Variants in C7 observed in about 807,000 individuals in gnomAD.
C7 encodes complement C7, also known as complement component C7.
C7 carries 83 observed loss-of-function variants against 104.8 expected under a neutral mutation model. The ratio of observed to expected loss-of-function variants is 0.79; its 90% CI spans 0.66 to 0.95. C7 has a LOEUF of 0.95. Ranked by LOEUF, C7 falls within the 40% of genes least tolerant of loss-of-function variation. The pLI, the probability that C7 is intolerant of heterozygous loss-of-function variation, is 0.00. For synonymous variants in C7, 415 were observed against 360.6 expected, an observed-to-expected ratio of 1.15 and a Z score of -1.71; for missense variants, 1,070 against 1,011.2, an observed-to-expected ratio of 1.06 and a Z score of -0.79.
At chr5:40,926,628 TGA>T (rs1455444044) in intron 1 of C7, among the ~76,000 whole-genome samples, 2 of 152,118 alleles carry the variant, frequency 1.3e-5, no homozygotes, top group African/African-American at 4.8e-5. Flanking sequence ...ATGAACTATG[TGA>T]GAAAGACATT....
intron 17 of C7, among the ~76,000 whole-genome samples, chr5:40,980,979 G>C (rs887325609): frequency 3.3e-5 from 5 of 152,238 alleles, no homozygotes; most frequent in African/African-American, 1.2e-4. Context: ...GTAGCCTTTT[G>C]CATGCCATGC....
chr5:40,949,876 C>T, intron 8 of C7, 28 bp from the exon 9 acceptor site: 2 of 1,358,902 alleles, frequency 1.5e-6, no homozygotes, highest in Middle Eastern at 1.9e-4. Context: ...AGAAATTAAA[C>T]ATGTCTCTTT....
At chr5:40,964,532 A>G (rs1460596798) in intron 13 of C7, 1 of 463,552 alleles carries the variant, frequency 2.2e-6, no homozygotes, top group African/African-American at 2.0e-5. Flanking sequence ...TACATTATAG[A>G]CAGTGGTATT....
intron 1 of C7, among the ~76,000 whole-genome samples, chr5:40,925,708 A>G (rs1249398039): frequency 1.3e-5 from 2 of 152,242 alleles, no homozygotes; most frequent in African/African-American, 2.4e-5. Flanking sequence ...CTGTACAAGC[A>G]TGGCATCAAC....
At chr5:40,930,988 CTGTTTTCACTATTCTT>C in intron 2 of C7, 60 bp from the exon 3 acceptor site, 2 of 976,204 alleles carry the variant, frequency 2.0e-6, no homozygotes, top group Middle Eastern at 4.1e-4. Context: ...CTATTTTTGA[CTGTTTTCACTATTCTT>C]TGTGTTCCCT....
chr5:40,926,098 A>G (rs1183119782), intron 1 of C7, among the ~76,000 whole-genome samples: 2 of 152,228 alleles, frequency 1.3e-5, no homozygotes, highest in African/African-American at 2.4e-5. Context: ...AAATGCAAGG[A>G]TGGTTCAACA....
intron 14 of C7, among the ~76,000 whole-genome samples, chr5:40,968,450 C>T (rs1163521011): frequency 6.6e-6 from 1 of 150,798 alleles, no homozygotes; most frequent in Non-Finnish European, 1.5e-5. Flanking sequence ...TTCAACTGAC[C>T]TATCTTCCAA....
chr5:40,929,826 C>T (rs767882504), intron 2 of C7, among the ~76,000 whole-genome samples: 1 of 152,106 alleles, frequency 6.6e-6, no homozygotes, highest in Admixed American at 6.6e-5. Flanking sequence ...GAAAAATGGC[C>T]TAAATGAACA....
At chr5:40,971,935 G>A (rs1201777564) in intron 14 of C7, 4 of 394,926 alleles carry the variant, frequency 1.0e-5, no homozygotes, top group African/African-American at 8.4e-5. Flanking sequence ...TCCAGCCTGG[G>A]CAACAAGACA....
chr5:40,963,636 AG>A (rs1161758567), intron 13 of C7, among the ~76,000 whole-genome samples: 3 of 152,128 alleles, frequency 2.0e-5, no homozygotes, highest in Non-Finnish European at 4.4e-5. Flanking sequence ...GCCCTCTCCC[AG>A]GCTTGAGTTT....
rs1554045090 is a variant in C7, at chr5:40,982,323, T to TTTTTTTTTTTTTTTTTTTTG, written c.*750_*751insTTTTTTTTTTTTTTTTTTTG. 6.6e-6 allele frequency: 1 copy of TTTTTTTTTTTTTTTTTTTTG among 152,088 alleles called. No individual in the cohort carries two copies. The highest frequency in any genetic ancestry group is 1.5e-5 in the Non-Finnish European group (1 of 68,042). 9.4% of individuals were successfully genotyped at this position (152,088 alleles called of 1,614,324 possible). ...CACGCCCAGCTAATTTTTGCATTTTTAGTAGAGATGGGGTTTCACCATGTT... is the reference window on the plus strand; with the variant it reads ...CACGCCCAGCTAATTTTTGCATTTTTTTTTTTTTTTTTTTTTTTTGAGTAGAGATGGGGTTTCACCATGTT... On this transcript the variant is annotated 3_prime_UTR_variant, in exon 18 of 18. Coordinates refer to ENST00000313164, the MANE Select transcript of C7 (RefSeq NM_000587.4).
At chr5:40,910,726 T>C (rs1478545796) in intron 1 of C7, among the ~76,000 whole-genome samples, 5 of 144,606 alleles carry the variant, frequency 3.5e-5, no homozygotes, top group African/African-American at 1.0e-4. Flanking sequence ...TGGGTACTCA[T>C]GGGCATAAAG....
chr5:40,939,698 G>A (rs963672229), intron 6 of C7, among the ~76,000 whole-genome samples: 1 of 152,180 alleles, frequency 6.6e-6, no homozygotes, highest in African/African-American at 2.4e-5. Flanking sequence ...ATAATGTGGA[G>A]ACTTGCATGT....
At chr5:40,940,645 C>A (rs539158874) in intron 6 of C7, among the ~76,000 whole-genome samples, 4 of 152,154 alleles carry the variant, frequency 2.6e-5, no homozygotes, top group Non-Finnish European at 5.9e-5. Flanking sequence ...CCTGAGATTT[C>A]TAAATCTACC....
chr5:40,981,306 C>T, intron 17 of C7, 86 bp from the exon 18 acceptor site: 1 of 1,284,154 alleles, frequency 7.8e-7, no homozygotes, highest in South Asian at 1.3e-5. Context: ...CAGCTCTGAT[C>T]ACCACATTAT....
At chr5:40,970,590 T>A (rs1170690563) in intron 14 of C7, among the ~76,000 whole-genome samples, 2 of 152,038 alleles carry the variant, frequency 1.3e-5, no homozygotes, top group African/African-American at 2.4e-5. Flanking sequence ...TAGGAGTTTT[T>A]AATTTTTTTT....
intron 1 of C7, among the ~76,000 whole-genome samples, chr5:40,909,818 C>T (rs1739169719): frequency 1.3e-5 from 2 of 152,164 alleles, no homozygotes; most frequent in South Asian, 4.1e-4. Flanking sequence ...ACAGTTCAGC[C>T]AAAGTGAATT....
chr5:40,954,891 A>AAAG (rs752116916), intron 9 of C7: 131 of 264,406 alleles, frequency 5.0e-4, no homozygotes, highest in East Asian at 2.7e-3. Context: ...AAAAAAAAAA[A>AAAG]AAAAAAAAAA....
intron 3 of C7, 138 bp from the exon 4 acceptor site, chr5:40,934,187 C>T (rs1327709375): frequency 4.7e-6 from 4 of 843,348 alleles, no homozygotes; most frequent in Non-Finnish European, 5.1e-6. Flanking sequence ...TTCTGTAGAA[C>T]ACCAGAACAA....
Sources: gnomAD v4.1 joint callset for allele counts (sites outside exome capture counted in the v4.1 genomes callset) on GRCh38, gnomAD v4.1.1 for gene constraint, MANE v1.5 for transcripts, NCBI Gene and HGNC (gene_info 2026-07-23, HGNC 2026-07-21) for gene names.